Variants in SHISA9 observed in about 807,000 individuals in gnomAD.
The protein encoded by SHISA9 is shisa family member 9.
SHISA9 carries 13 observed loss-of-function variants against 38.0 expected under a neutral mutation model. The observed-to-expected ratio is 0.34, with a 90% CI of 0.22 to 0.54. SHISA9 has a LOEUF of 0.54. Among genes scored for constraint, SHISA9 ranks in the 20% least tolerant of loss-of-function variants. SHISA9 has a pLI of 0.91. For missense variants in SHISA9, 538 were observed against 575.8 expected (o/e 0.93, Z 0.67); for synonymous variants, 275 against 242.0 (o/e 1.14, Z -1.27).
At chr16:13,455,380 A>G in the SHISA9 span, among the ~76,000 whole-genome samples, 2 of 152,144 alleles carry the variant, frequency 1.3e-5, no homozygotes, top group Non-Finnish European at 2.9e-5. Context: ...CTCCACTCCC[A>G]ATTATATTGG....
intron 2 of SHISA9, among the ~76,000 whole-genome samples, chr16:12,992,480 C>A (rs376292101): frequency 6.6e-6 from 1 of 151,908 alleles, no homozygotes; most frequent in African/African-American, 2.4e-5. Flanking sequence ...TGCAGTGAGC[C>A]GAGGTTGTGC....
the SHISA9 span, among the ~76,000 whole-genome samples, chr16:13,470,711 A>G: frequency 2.6e-5 from 4 of 152,318 alleles, no homozygotes; most frequent in East Asian, 3.9e-4. Context: ...TCAAAGAATC[A>G]TACATTAAAG....
At chr16:13,436,365 A>G in the SHISA9 span, among the ~76,000 whole-genome samples, 2 of 152,192 alleles carry the variant, frequency 1.3e-5, no homozygotes, top group South Asian at 4.1e-4. Flanking sequence ...GGACAATTTC[A>G]CCAGTGCCAG....
At chr16:13,305,534 G>T in the SHISA9 span, among the ~76,000 whole-genome samples, 1 of 152,160 alleles carries the variant, frequency 6.6e-6, no homozygotes, top group Non-Finnish European at 1.5e-5. Context: ...TCCCTTGCTT[G>T]CTCTGCTGGA....
chr16:13,357,771 T>G, the SHISA9 span, among the ~76,000 whole-genome samples: 1 of 120,110 alleles, frequency 8.3e-6, no homozygotes, highest in African/African-American at 3.2e-5. Flanking sequence ...CGGGTAGGAG[T>G]GGGGGTCGCA....
chr16:13,464,636 T>G, the SHISA9 span, among the ~76,000 whole-genome samples: 501 of 152,314 alleles, frequency 3.3e-3, 7 homozygotes, highest in African/African-American at 0.012. Context: ...TTTCCCTGAT[T>G]AGAGCAACCG....
intron 4 of SHISA9, among the ~76,000 whole-genome samples, chr16:13,228,344 TC>T (rs149440086): frequency 6.6e-6 from 1 of 152,206 alleles, no homozygotes; most frequent in Non-Finnish European, 1.5e-5. Context: ...AATGGGATTT[TC>T]CCCCCATCTG....
intron 2 of SHISA9, among the ~76,000 whole-genome samples, chr16:13,081,360 G>A (rs140215527): frequency 6.6e-6 from 1 of 152,260 alleles, no homozygotes; most frequent in African/African-American, 2.4e-5. Context: ...CAACTTTATA[G>A]CACTCTTTAT....
intron 2 of SHISA9, among the ~76,000 whole-genome samples, chr16:13,040,622 T>A (rs2073122442): frequency 6.6e-6 from 1 of 152,242 alleles, no homozygotes; most frequent in African/African-American, 2.4e-5. Context: ...AGGGATCTCA[T>A]CTACTTTTCC....
chr16:13,077,112 C>T (rs1232928300), intron 2 of SHISA9, among the ~76,000 whole-genome samples: 1 of 152,160 alleles, frequency 6.6e-6, no homozygotes, highest in African/African-American at 2.4e-5. Flanking sequence ...AATGCAGCAC[C>T]AGGACCAGGA....
chr16:12,918,564 G>T (rs2071288118), intron 2 of SHISA9, among the ~76,000 whole-genome samples: 1 of 152,216 alleles, frequency 6.6e-6, no homozygotes. Flanking sequence ...CGTTTTCATT[G>T]AAAGTTGTAC....
At chr16:13,108,381 TG>T (rs1157108309) in intron 2 of SHISA9, among the ~76,000 whole-genome samples, 2 of 152,160 alleles carry the variant, frequency 1.3e-5, no homozygotes. Flanking sequence ...CCTCCTGCCT[TG>T]GCTTCCTGAG....
At chr16:13,046,011 A>G (rs1185689639) in intron 2 of SHISA9, among the ~76,000 whole-genome samples, 1 of 152,158 alleles carries the variant, frequency 6.6e-6, no homozygotes, top group African/African-American at 2.4e-5. Flanking sequence ...GCTCCAAATA[A>G]CCATCAAAGC....
the SHISA9 span, among the ~76,000 whole-genome samples, chr16:13,459,861 G>A: frequency 1.3e-5 from 2 of 152,166 alleles, no homozygotes; most frequent in African/African-American, 4.8e-5. Flanking sequence ...AGAAACAAGT[G>A]TGTATGAGTC....
At chr16:13,298,536 A>G in the SHISA9 span, among the ~76,000 whole-genome samples, 4 of 151,996 alleles carry the variant, frequency 2.6e-5, no homozygotes, top group African/African-American at 9.7e-5. Context: ...AGAGGAGGAA[A>G]TCAGAGCTTA....
the SHISA9 span, among the ~76,000 whole-genome samples, chr16:13,405,066 A>G: frequency 1.3e-5 from 2 of 152,232 alleles, no homozygotes; most frequent in Non-Finnish European, 1.5e-5. Context: ...TTACCCTGTC[A>G]TGGAGAAGAC....
chr16:13,349,314 C>T, the SHISA9 span, among the ~76,000 whole-genome samples: 3 of 152,166 alleles, frequency 2.0e-5, no homozygotes, highest in South Asian at 2.1e-4. Context: ...GAGGGGGTCT[C>T]ATAGAGGCAG....
At chr16:13,197,452 A>T (rs2050958014) in intron 2 of SHISA9, among the ~76,000 whole-genome samples, 1 of 152,080 alleles carries the variant, frequency 6.6e-6, no homozygotes, top group South Asian at 2.1e-4. Context: ...CATCCGTTTT[A>T]TTTCCCTGTT....
At chr16:12,954,043 C>T (rs2071796228) in intron 2 of SHISA9, among the ~76,000 whole-genome samples, 1 of 152,138 alleles carries the variant, frequency 6.6e-6, no homozygotes, top group African/African-American at 2.4e-5. Context: ...GGTGGAGACA[C>T]AGAGTCAAAC....
Sources: gnomAD v4.1 joint callset for allele counts (sites outside exome capture counted in the v4.1 genomes callset) on GRCh38, gnomAD v4.1.1 for gene constraint, MANE v1.5 for transcripts, NCBI Gene and HGNC (gene_info 2026-07-23, HGNC 2026-07-21) for gene names.